The following ISOC1 variants were observed in gnomAD, a reference collection of about 807,000 sequenced individuals.
ISOC1 encodes the protein isochorismatase domain containing 1, also known as isochorismatase domain-containing protein 1.
A neutral mutation model predicts 30.0 loss-of-function variants in ISOC1; 33 were observed. The observed-to-expected ratio is 1.10, with a 90% CI of 0.83 to 1.47. ISOC1 has a LOEUF of 1.47. ISOC1 is among the 40% of genes most tolerant of loss of function. ISOC1 has a pLI of 0.00. For synonymous variants in ISOC1, 178 were observed against 159.8 expected, an observed-to-expected ratio of 1.11 and a Z score of -0.86; for missense variants, 372 against 388.0, an observed-to-expected ratio of 0.96 and a Z score of 0.35.
chr5:129,101,192 A>AAAAAAATAT (rs1554064627), intron 1 of ISOC1, among the ~76,000 whole-genome samples: 8 of 42,226 alleles, frequency 1.9e-4, no homozygotes, highest in African/African-American at 3.7e-4. Flanking sequence ...AAAAAAAAAA[A>AAAAAAATAT]ATATATATAT....
At position 129,094,819 on chromosome 5, in the gene ISOC1, G is replaced by C. The variant is rs1396327265; in HGVS notation, c.53G>C (p.Gly18Ala). Reference sequence around the variant, plus strand: ...GCGCTCCCCAACAGCGGCGCCGGGGGCGCGGGGGCGCCGTCGGGCACAGTC... The same window carrying C: ...GCGCTCCCCAACAGCGGCGCCGGGGCCGCGGGGGCGCCGTCGGGCACAGTC... ...VLALPNSGAG[G>A]AGAPSGTVPV... is the part of the protein sequence containing the mutation. The change falls in exon 1 of 5, where the codon GGC becomes GCC. Residue 18 changes from glycine to alanine, a missense_variant. Coordinates refer to ENST00000173527, the MANE Select transcript of ISOC1 (RefSeq NM_016048.2). The C allele has an allele frequency of 5.2e-6, 8 of 1,540,432 alleles. No individual in the cohort carries two copies. The highest frequency in any genetic ancestry group is 6.1e-6 in the Non-Finnish European group (7 of 1,146,894).
At chr5:129,110,747 C>T (rs1241528081) in intron 4 of ISOC1, among the ~76,000 whole-genome samples, 1 of 152,190 alleles carries the variant, frequency 6.6e-6, no homozygotes, top group Non-Finnish European at 1.5e-5. Flanking sequence ...CTTGTAGCGT[C>T]ACCAGATTCC....
intron 1 of ISOC1, among the ~76,000 whole-genome samples, chr5:129,102,228 A>G (rs751734828): frequency 3.9e-5 from 6 of 152,218 alleles, no homozygotes; most frequent in Non-Finnish European, 5.9e-5. Context: ...GAGAATGTCT[A>G]TGAAAGGTAG....
intron 4 of ISOC1, 57 bp from the exon 5 acceptor site, chr5:129,112,798 G>GA: frequency 1.9e-6 from 3 of 1,574,270 alleles, no homozygotes. Context: ...TTACTCTTCT[G>GA]AAATAGTGTT....
chr5:129,109,052 C>T (rs1753671869), intron 4 of ISOC1, among the ~76,000 whole-genome samples: 1 of 152,148 alleles, frequency 6.6e-6, no homozygotes, highest in Non-Finnish European at 1.5e-5. Flanking sequence ...GGACTTTTCT[C>T]CTACATTCAT....
intron 1 of ISOC1, among the ~76,000 whole-genome samples, chr5:129,104,568 C>G (rs1425904829): frequency 6.6e-6 from 1 of 152,074 alleles, no homozygotes; most frequent in Non-Finnish European, 1.5e-5. Context: ...CATATTTTTA[C>G]ATTATTGAAA....
chr5:129,100,941 A>T (rs1263474348), intron 1 of ISOC1, among the ~76,000 whole-genome samples: 2 of 151,008 alleles, frequency 1.3e-5, no homozygotes, highest in Non-Finnish European at 2.9e-5. Flanking sequence ...TTTATTTTAG[A>T]ATAGCTTTAG....
At position 129,106,951 on chromosome 5, in the gene ISOC1, T is replaced by C. The variant is rs3734161; in HGVS notation, c.639T>C (p.His213=). ...TTCTTGTACTTTCCTACTAGACTCA[T>C]GTGTGCATCCAACAAACTGCCCTGG... ...RSVVLFGVET[H]VCIQQTALEL... is the part of the protein sequence containing the mutation. Residue 213 remains histidine, a synonymous_variant, in exon 4 of 5, where the codon CAT becomes CAC. Coordinates refer to ENST00000173527, the MANE Select transcript of ISOC1 (RefSeq NM_016048.2). The C allele has an allele frequency of 0.032, 51,672 of 1,611,540 alleles. 1,716 individuals are homozygous for C. Among genetic ancestry groups the C allele is most frequent in the African/African-American group, 0.17 (12,813 of 74,868 alleles).
chr5:129,101,192 A>AAAAAATATATATATATAT (rs1554064627), intron 1 of ISOC1, among the ~76,000 whole-genome samples: 1 of 42,234 alleles, frequency 2.4e-5, no homozygotes, highest in Non-Finnish European at 3.6e-5. Flanking sequence ...AAAAAAAAAA[A>AAAAAATATATATATATAT]ATATATATAT....
chr5:129,107,363 AC>A (rs1753651479), intron 4 of ISOC1, among the ~76,000 whole-genome samples: 2 of 152,136 alleles, frequency 1.3e-5, no homozygotes, highest in African/African-American at 4.8e-5. Flanking sequence ...AAGAAGCCTA[AC>A]CTAAACTGTT....
chr5:129,101,161 C>CAAA lies in ISOC1; in HGVS notation c.310-3765_310-3763dup, dbSNP rs1156603818. Among the ~76,000 whole-genome samples the CAAA allele has an allele frequency of 7.7e-3, 151 of 19,514 alleles. 19 individuals carry two copies. The highest frequency in any genetic ancestry group is 0.012 in the Non-Finnish European group (132 of 11,434). The allele number at this position is 19,514 out of a possible 152,430, so 12.8% of individuals were successfully genotyped here. On this transcript the variant is annotated intron_variant, in intron 1 of 4. Coordinates refer to ENST00000173527, the MANE Select transcript of ISOC1 (RefSeq NM_016048.2). ...AGCTGGGCCACCAAGCTCAGCTAAT[C>CAAA]AAAAAAAAAAAAAAAAAAAAAAAAA...
At chr5:129,095,132 C>T (rs1024868379) in intron 1 of ISOC1, 57 bp downstream of exon 1, 3 of 1,457,654 alleles carry the variant, frequency 2.1e-6, no homozygotes, top group South Asian at 1.4e-5. Flanking sequence ...CCGTCCCCGT[C>T]CCTGTCCCCG....
In ISOC1 at chr5:129,113,152, C is replaced by A. The variant is rs181375321; in HGVS notation, c.*151C>A. 6.6e-6 allele frequency: 4 copies of A among 601,670 alleles called. No homozygotes were observed. The East Asian group carries it at 8.9e-5, about 13-fold the overall frequency. 37.3% of individuals were successfully genotyped at this position (601,670 alleles called of 1,614,324 possible). ...GCGCCTCCTAGTGAAACTTAACCAG[C>A]TAGACCATTTGAGTACCAGCATTTA... On this transcript the variant is annotated 3_prime_UTR_variant, in exon 5 of 5. Coordinates refer to ENST00000173527, the MANE Select transcript of ISOC1 (RefSeq NM_016048.2).
Position 129,113,335 on chromosome 5 carries a change from A to G in ISOC1, c.*334A>G, listed in dbSNP as rs887066494. The G allele has an allele frequency of 1.7e-5, 3 of 178,966 alleles. No homozygotes were observed. Among genetic ancestry groups the G allele is most frequent in the African/African-American group, 7.1e-5 (3 of 42,488 alleles). 11.1% of individuals were successfully genotyped at this position (178,966 alleles called of 1,614,324 possible). On this transcript the variant is annotated 3_prime_UTR_variant, in exon 5 of 5. Coordinates refer to ENST00000173527, the MANE Select transcript of ISOC1 (RefSeq NM_016048.2). ...TGCAGACTCTTGTGAAGTTTTCTTA[A>G]ATTGTTCACTTTAAAGAAAATGACG...
chr5:129,110,142 C>G (rs1279053542), intron 4 of ISOC1, among the ~76,000 whole-genome samples: 1 of 152,180 alleles, frequency 6.6e-6, no homozygotes, highest in Admixed American at 6.5e-5. Context: ...TCCCCCCTCT[C>G]TGAGGCTTTC....
chr5:129,113,243 TA>T lies in ISOC1; in HGVS notation c.*250del. 4.8e-5 allele frequency: 17 copies of T among 352,080 alleles called. No homozygotes were observed. Among genetic ancestry groups the T allele is most frequent in the Non-Finnish European group, 5.6e-5 (11 of 194,994 alleles). The allele number at this position is 352,080 out of a possible 1,614,324, so 21.8% of individuals were successfully genotyped here. On this transcript the variant is annotated 3_prime_UTR_variant, in exon 5 of 5. Coordinates refer to ENST00000173527, the MANE Select transcript of ISOC1 (RefSeq NM_016048.2). The stretch of plus-strand genomic sequence containing the variant: ...TTTTTGTTAATGTGCTTTTATTTAT[TA>T]AAAAAAATTACAATGAAGATGCCTG...
intron 1 of ISOC1, among the ~76,000 whole-genome samples, chr5:129,101,786 C>T (rs1753574815): frequency 6.6e-6 from 1 of 152,178 alleles, no homozygotes; most frequent in Non-Finnish European, 1.5e-5. Flanking sequence ...ACTAGGATAC[C>T]AATTACATTT....
chr5:129,110,217 T>G (rs1206250941), intron 4 of ISOC1, among the ~76,000 whole-genome samples: 5 of 152,212 alleles, frequency 3.3e-5, no homozygotes, highest in Non-Finnish European at 5.9e-5. Flanking sequence ...TCCTTTGGCC[T>G]AGTTGGATTA....
At chr5:129,098,866 G>A (rs1222275356) in intron 1 of ISOC1, among the ~76,000 whole-genome samples, 1 of 152,152 alleles carries the variant, frequency 6.6e-6, no homozygotes, top group African/African-American at 2.4e-5. Flanking sequence ...AGAAGAGACT[G>A]ACAGGTTCAT....
Sources: allele counts gnomAD v4.1 joint callset (sites outside exome capture counted in the v4.1 genomes callset), GRCh38; gene constraint gnomAD v4.1.1; transcripts MANE v1.5; gene names NCBI Gene and HGNC (gene_info 2026-07-23, HGNC 2026-07-21).